RTN1: variants seen among roughly 807,000 people sequenced by gnomAD.
RTN1 encodes the protein reticulon-1.
A neutral mutation model predicts 65.5 loss-of-function variants in RTN1; 25 were observed. The ratio of observed to expected loss-of-function variants is 0.38; its 90% CI spans 0.28 to 0.53. The LOEUF (loss-of-function observed/expected upper bound fraction) is 0.53. Ranked by LOEUF, RTN1 falls within the 20% of genes least tolerant of loss-of-function variation. RTN1 has a pLI of 0.79. For synonymous variants in RTN1, 471 were observed against 447.6 expected, an observed-to-expected ratio of 1.05 and a Z score of -0.66; for missense variants, 983 against 1,025.4, an observed-to-expected ratio of 0.96 and a Z score of 0.57.
chr14:59,663,399 T>C (rs1883293496), intron 3 of RTN1, among the ~76,000 whole-genome samples: 1 of 152,016 alleles, frequency 6.6e-6, no homozygotes, highest in Non-Finnish European at 1.5e-5. Context: ...ACCTAGGCAA[T>C]ACCATTCAGG....
intron 1 of RTN1, among the ~76,000 whole-genome samples, chr14:59,761,786 G>T: frequency 6.6e-6 from 1 of 152,166 alleles, no homozygotes; most frequent in East Asian, 1.9e-4. Flanking sequence ...AAAGAAAGGT[G>T]CTCTTCCTCT....
intron 2 of RTN1, among the ~76,000 whole-genome samples, chr14:59,731,693 G>A (rs181437271): frequency 5.3e-5 from 8 of 152,200 alleles, no homozygotes; most frequent in East Asian, 1.9e-4. Context: ...CTTCCCAATC[G>A]TTTTTGAGTT....
At chr14:59,833,592 G>GTGTGTCC (rs1418623003) in intron 1 of RTN1, among the ~76,000 whole-genome samples, 1 of 152,052 alleles carries the variant, frequency 6.6e-6, no homozygotes, top group Non-Finnish European at 1.5e-5. Flanking sequence ...TGGGTAAATT[G>GTGTGTCC]TGTGTCCTGG....
intron 3 of RTN1, chr14:59,630,663 T>G (rs1371380204): frequency 8.2e-7 from 1 of 1,223,996 alleles, no homozygotes; most frequent in Admixed American, 4.4e-5. Context: ...GGCGGGAGCG[T>G]CGCTGGCGCC....
At chr14:59,637,269 C>T (rs999010971) in intron 3 of RTN1, among the ~76,000 whole-genome samples, 2 of 152,210 alleles carry the variant, frequency 1.3e-5, no homozygotes, top group Admixed American at 1.3e-4. Context: ...CCATAAGAAG[C>T]AACTCCTCAT....
At chr14:59,756,060 C>T (rs1029174341) in intron 1 of RTN1, among the ~76,000 whole-genome samples, 20 of 152,262 alleles carry the variant, frequency 1.3e-4, no homozygotes, top group African/African-American at 4.3e-4. Flanking sequence ...TTCACTTTAG[C>T]AAAAAATTCT....
chr14:59,620,764 T>A (rs73307693), intron 3 of RTN1, among the ~76,000 whole-genome samples: 1 of 152,150 alleles, frequency 6.6e-6, no homozygotes, highest in Non-Finnish European at 1.5e-5. Flanking sequence ...ATCCATTCAA[T>A]AGAATTAGAT....
intron 2 of RTN1, among the ~76,000 whole-genome samples, chr14:59,742,580 C>T (rs1236208281): frequency 6.6e-6 from 1 of 152,094 alleles, no homozygotes; most frequent in Non-Finnish European, 1.5e-5. Context: ...ATATTAGACA[C>T]CTTGCTTAAA....
intron 3 of RTN1, among the ~76,000 whole-genome samples, chr14:59,659,641 A>T (rs992841276): frequency 2.0e-5 from 3 of 152,238 alleles, no homozygotes; most frequent in Admixed American, 1.3e-4. Flanking sequence ...AGCCAAACTA[A>T]GCTTCATAAG....
chr14:59,618,520 C>T (rs73307679), intron 3 of RTN1, among the ~76,000 whole-genome samples: 13,399 of 152,298 alleles, frequency 0.088, 625 homozygotes, highest in Non-Finnish European at 0.1. Context: ...AAACTCTGCT[C>T]CCTGAATGCT....
intron 1 of RTN1, among the ~76,000 whole-genome samples, chr14:59,858,860 A>T (rs985923863): frequency 9.2e-5 from 14 of 152,240 alleles, no homozygotes; most frequent in Non-Finnish European, 1.2e-4. Context: ...TTATGAAACT[A>T]GATTCAGTAA....
chr14:59,644,613 G>A (rs1022491846), intron 3 of RTN1, among the ~76,000 whole-genome samples: 6 of 152,202 alleles, frequency 3.9e-5, no homozygotes, highest in Admixed American at 2.0e-4. Context: ...GCTGAATCCA[G>A]GGGACTGAGC....
intron 1 of RTN1, among the ~76,000 whole-genome samples, chr14:59,834,500 T>C (rs530866704): frequency 2.2e-4 from 34 of 152,288 alleles, no homozygotes; most frequent in African/African-American, 6.7e-4. Flanking sequence ...AGAAGCACTA[T>C]TGAAACTCAA....
At chr14:59,702,888 A>G (rs955780183) in intron 3 of RTN1, among the ~76,000 whole-genome samples, 1 of 151,158 alleles carries the variant, frequency 6.6e-6, no homozygotes, top group African/African-American at 2.4e-5. Context: ...CTTTCCAATG[A>G]CTCTCCCTTC....
At chr14:59,669,596 T>C (rs935353275) in intron 3 of RTN1, among the ~76,000 whole-genome samples, 1 of 151,878 alleles carries the variant, frequency 6.6e-6, no homozygotes, top group African/African-American at 2.4e-5. Context: ...CCTAGAACTT[T>C]AAGTATAATA....
intron 1 of RTN1, among the ~76,000 whole-genome samples, chr14:59,750,123 A>G (rs1885425414): frequency 1.2e-5 from 1 of 82,060 alleles, no homozygotes; most frequent in South Asian, 3.0e-4. Context: ...TATAATATAT[A>G]TTATCTATAA....
intron 5 of RTN1, 172 bp downstream of exon 5, chr14:59,605,196 G>A (rs961807119): frequency 3.3e-6 from 2 of 603,958 alleles, no homozygotes; most frequent in South Asian, 5.6e-5. Context: ...TTCATCATTG[G>A]TACAATGAAG....
chr14:59,865,290 T>C (rs1217050238), intron 1 of RTN1, among the ~76,000 whole-genome samples: 1 of 152,172 alleles, frequency 6.6e-6, no homozygotes, highest in Non-Finnish European at 1.5e-5. Flanking sequence ...TCAGCTTTTC[T>C]AGCCCTAGTC....
rs60076155 is a variant in RTN1 at position 59,701,490 on chromosome 14, A to G, written c.1765+25429T>C. Among the ~76,000 whole-genome samples the G allele has an allele frequency of 2.9e-3, 445 of 152,304 alleles. 2 individuals are homozygous for G. Among genetic ancestry groups the G allele is most frequent in the African/African-American group, 0.01 (435 of 41,582 alleles). The stretch of plus-strand genomic sequence containing the variant: ...ATACAATGGAATACTATTTTGCCAT[A>G]AAAAGGAAGGAAGTACTGATACATG... On this transcript the variant is annotated intron_variant, in intron 3 of 8. Coordinates refer to ENST00000267484, the MANE Select transcript of RTN1 (RefSeq NM_021136.3).
Sources: allele counts gnomAD v4.1 joint callset (sites outside exome capture counted in the v4.1 genomes callset), GRCh38; gene constraint gnomAD v4.1.1; transcripts MANE v1.5; gene names NCBI Gene and HGNC (gene_info 2026-07-23, HGNC 2026-07-21).